DCC: variants seen among roughly 807,000 people sequenced by gnomAD.
DCC encodes DCC netrin 1 receptor.
DCC carries 58 observed loss-of-function variants against 172.5 expected under a neutral mutation model. That is an observed-to-expected ratio of 0.34 (90% CI 0.27 to 0.42). The LOEUF (loss-of-function observed/expected upper bound fraction) is 0.42, where lower values mean the gene tolerates loss of function less well. DCC is among the 10% of genes least tolerant of loss of function. The probability of loss-of-function intolerance (pLI) is 1.00; values close to 1 mark genes in which losing one functional copy is unlikely to be tolerated. For synonymous variants in DCC, 709 were observed against 644.5 expected (o/e 1.10, Z -1.52); for missense variants, 1,740 against 1,791.0 (o/e 0.97, Z 0.51).
At chr18:52,468,386 T>G (rs535239383) in intron 1 of DCC, among the ~76,000 whole-genome samples, 1 of 152,312 alleles carries the variant, frequency 6.6e-6, no homozygotes, top group South Asian at 2.1e-4. Context: ...AAGTTCCAAG[T>G]GAATCTTTCA....
rs1383564052 is a variant in DCC, at chr18:52,479,602, TCTCA to T, written c.91+138727_91+138730del. Among the ~76,000 whole-genome samples, 264 of 113,022 alleles carry T rather than the reference TCTCA, an allele frequency of 2.3e-3. 3 individuals are homozygous for T. The highest frequency in any genetic ancestry group is 9.2e-3 in the African/African-American group (262 of 28,428). 74.1% of individuals were successfully genotyped at this position (113,022 alleles called of 152,430 possible). On this transcript the variant is annotated intron_variant, in intron 1 of 28. Coordinates refer to ENST00000442544, the MANE Select transcript of DCC (RefSeq NM_005215.4). ...TCCACCCCCCCCCCGTCTCCCTTCC[TCTCA>T]CTAAGTTCTATTTCAAGTGGTACTC...
chr18:52,505,208 G>C (rs529418442), intron 1 of DCC, among the ~76,000 whole-genome samples: 1 of 137,598 alleles, frequency 7.3e-6, no homozygotes, highest in East Asian at 2.4e-4. Context: ...CTGGATTTCA[G>C]CAGCATTTTA....
chr18:53,265,315 G>C (rs2056660537), intron 12 of DCC, among the ~76,000 whole-genome samples: 1 of 152,148 alleles, frequency 6.6e-6, no homozygotes, highest in Non-Finnish European at 1.5e-5. Flanking sequence ...TAAGACATTA[G>C]AGGAGAAAAG....
chr18:52,629,794 C>CA (rs751096695), intron 1 of DCC, among the ~76,000 whole-genome samples: 45 of 151,960 alleles, frequency 3.0e-4, no homozygotes, highest in Admixed American at 5.9e-4. Flanking sequence ...ACTAAAAACA[C>CA]AAAAAATTAG....
At chr18:53,142,827 A>G (rs1255815014) in intron 7 of DCC, among the ~76,000 whole-genome samples, 1 of 152,196 alleles carries the variant, frequency 6.6e-6, no homozygotes, top group African/African-American at 2.4e-5. Context: ...TCAGAATCCA[A>G]TCAAGGGAAC....
chr18:52,552,469 A>G (rs1291447909), intron 1 of DCC, among the ~76,000 whole-genome samples: 1 of 152,078 alleles, frequency 6.6e-6, no homozygotes, highest in African/African-American at 2.4e-5. Context: ...TGTGGCAGTC[A>G]ATAAAGAACA....
intron 15 of DCC, among the ~76,000 whole-genome samples, chr18:53,343,347 A>C (rs542727394): frequency 6.6e-6 from 1 of 152,082 alleles, no homozygotes; most frequent in South Asian, 2.1e-4. Context: ...TACTCTTTCT[A>C]GTTTTCTAGA....
At chr18:52,509,864 A>G (rs1453435072) in intron 1 of DCC, among the ~76,000 whole-genome samples, 1 of 152,152 alleles carries the variant, frequency 6.6e-6, no homozygotes, top group Non-Finnish European at 1.5e-5. Context: ...GCACTTTGGG[A>G]GGCCAAGGCA....
chr18:52,922,262 C>A (rs965641008), intron 3 of DCC, among the ~76,000 whole-genome samples: 2 of 152,092 alleles, frequency 1.3e-5, no homozygotes, highest in Non-Finnish European at 2.9e-5. Flanking sequence ...TTTCTCCACG[C>A]AAAGAATACT....
Position 53,021,476 on chromosome 18 carries a change from C to A in DCC, c.986-41829C>A, listed in dbSNP as rs543211491. Among the ~76,000 whole-genome samples, 7 of 152,272 alleles carry A rather than the reference C, an allele frequency of 4.6e-5. No individual in the cohort carries two copies. In the South Asian group the frequency reaches 8.3e-4, roughly 18 times the overall value. On this transcript the variant is annotated intron_variant, in intron 5 of 28. Transcript: ENST00000442544. ...GTGAGGGTGACAGGCACAGTGGAAA[C>A]TGTGAAATACCATACCTCTTCTAGC...
intron 2 of DCC, among the ~76,000 whole-genome samples, chr18:52,783,771 A>G (rs1465787530): frequency 6.6e-6 from 1 of 151,978 alleles, no homozygotes; most frequent in Non-Finnish European, 1.5e-5. Context: ...GTACAAGTTT[A>G]TACTTCACTG....
intron 1 of DCC, among the ~76,000 whole-genome samples, chr18:52,469,090 C>T (rs891042397): frequency 2.6e-5 from 4 of 151,742 alleles, no homozygotes; most frequent in South Asian, 4.2e-4. Context: ...CAGAGTCTTG[C>T]GCTGTCATCC....
At chr18:52,852,147 G>T (rs1374695405) in intron 2 of DCC, among the ~76,000 whole-genome samples, 1 of 152,012 alleles carries the variant, frequency 6.6e-6, no homozygotes, top group Admixed American at 6.6e-5. Flanking sequence ...AACATCTTCA[G>T]TTTATCTTAC....
chr18:52,733,952 A>G (rs542309037), intron 1 of DCC, among the ~76,000 whole-genome samples: 3 of 152,280 alleles, frequency 2.0e-5, no homozygotes, highest in East Asian at 3.9e-4. Flanking sequence ...TGTATATTCT[A>G]TATTTCAATA....
chr18:52,774,452 C>G (rs934311686), intron 2 of DCC, among the ~76,000 whole-genome samples: 1 of 152,230 alleles, frequency 6.6e-6, no homozygotes, highest in African/African-American at 2.4e-5. Context: ...GCTGTAGCTA[C>G]ATCTTCTTCC....
chr18:53,169,565 G>T (rs1266335050), intron 8 of DCC, among the ~76,000 whole-genome samples: 3 of 152,146 alleles, frequency 2.0e-5, no homozygotes, highest in East Asian at 1.9e-4. Flanking sequence ...TAGGGGGAAA[G>T]GAATGAAGTG....
chr18:52,976,015 C>T (rs771430861), intron 5 of DCC, among the ~76,000 whole-genome samples: 1 of 152,068 alleles, frequency 6.6e-6, no homozygotes, highest in African/African-American at 2.4e-5. Flanking sequence ...ACCTTGCCAG[C>T]TCCTGTTATT....
chr18:53,397,923 G>A (rs1909058422), intron 18 of DCC, among the ~76,000 whole-genome samples: 1 of 152,104 alleles, frequency 6.6e-6, no homozygotes, highest in South Asian at 2.1e-4. Flanking sequence ...GTTTCCAGGT[G>A]GTTTTGTTCA....
chr18:52,973,115 A>G (rs72928110), intron 5 of DCC, among the ~76,000 whole-genome samples: 5,363 of 152,314 alleles, frequency 0.035, 124 homozygotes, highest in African/African-American at 0.054. Flanking sequence ...TGTTGAATGG[A>G]TAAATGAGTG....
Sources: gnomAD v4.1 joint callset for allele counts (sites outside exome capture counted in the v4.1 genomes callset) on GRCh38, gnomAD v4.1.1 for gene constraint, MANE v1.5 for transcripts, NCBI Gene and HGNC (gene_info 2026-07-23, HGNC 2026-07-21) for gene names.